Variants in CASZ1 observed in about 807,000 individuals in gnomAD.
CASZ1 encodes the protein castor zinc finger 1.
A neutral mutation model predicts 135.2 loss-of-function variants in CASZ1; 28 were observed. The observed-to-expected ratio is 0.21, with a 90% CI of 0.15 to 0.28. CASZ1 has a LOEUF of 0.28. Among genes scored for constraint, CASZ1 ranks in the 10% least tolerant of loss-of-function variants. CASZ1 has a pLI of 1.00. For synonymous variants in CASZ1, 1,068 were observed against 1,073.4 expected (o/e 0.99, Z 0.10); for missense variants, 2,161 against 2,453.3 (o/e 0.88, Z 2.52).
At chr1:10,771,553 T>C (rs767938715) in intron 1 of CASZ1, among the ~76,000 whole-genome samples, 1 of 152,118 alleles carries the variant, frequency 6.6e-6, no homozygotes, top group East Asian at 1.9e-4. Context: ...TGTTGCTTAA[T>C]TTTGTATTTT....
chr1:10,641,868 C>T (rs1030057912), intron 20 of CASZ1, among the ~76,000 whole-genome samples: 6 of 152,138 alleles, frequency 3.9e-5, no homozygotes, highest in Admixed American at 2.0e-4. Context: ...GGGATGGAGA[C>T]CACGCTCTCT....
rs1242087896 is a variant in CASZ1, at chr1:10,726,452, A to C, written c.-76-20908T>G. 6.6e-6 allele frequency among the ~76,000 whole-genome samples: 1 copy of C among 152,136 alleles called. No homozygotes were observed. Among genetic ancestry groups the C allele is most frequent in the Non-Finnish European group, 1.5e-5 (1 of 68,000 alleles). On this transcript the variant is annotated intron_variant, in intron 2 of 20. Transcript: ENST00000377022. This position sits in a 1 kb window ranked among gnomAD's most constrained non-coding sequence, Gnocchi z 5.7. ...AGTCCTCCTGGCTGGAGCCGGAGGG[A>C]GGAGGAGGGCGGTGTAGTCCTCCAG...
intron 1 of CASZ1, among the ~76,000 whole-genome samples, chr1:10,771,251 T>C (rs566853455): frequency 7.9e-5 from 12 of 151,198 alleles, no homozygotes; most frequent in Non-Finnish European, 1.5e-4. Flanking sequence ...ATTGTTCTGG[T>C]TTCAGGCAGG....
rs985237873 is a variant in CASZ1 at position 10,788,189 on chromosome 1, G to A, written c.-234+8375C>T. ...ATCCATTACTGTGGATAGGGGAACC[G>A]GGAGAGCTGCCTTTGGCTTGGTGAG... is the stretch of plus-strand genomic sequence containing the variant. On this transcript the variant is annotated intron_variant, in intron 1 of 20. Transcript: ENST00000377022. This position sits in a 1 kb window ranked among gnomAD's most constrained non-coding sequence, Gnocchi z 4.1. Among the ~76,000 whole-genome samples the A allele has an allele frequency of 6.6e-5, 10 of 152,176 alleles. No individual in the cohort carries two copies. The highest frequency in any genetic ancestry group is 1.9e-4 in the East Asian group (1 of 5,174).
chr1:10,781,663 G>A (rs987143551), intron 1 of CASZ1, among the ~76,000 whole-genome samples: 1 of 152,188 alleles, frequency 6.6e-6, no homozygotes, highest in African/African-American at 2.4e-5. Flanking sequence ...TCAAACACAG[G>A]GAGCCCTCTG....
rs1206367875 is a variant in CASZ1, at chr1:10,639,098, C to G, written c.5124G>C (p.Glu1708Asp). Reference sequence around the variant, plus strand: ...TGCGCAGGTCCTCGTCGTCGTCGTCCTCGTCGTCGTCCTCGTCGTCGTCGT... The same window carrying G: ...TGCGCAGGTCCTCGTCGTCGTCGTCGTCGTCGTCGTCCTCGTCGTCGTCGT... ...DEDDDDEDDD[E>D]DDDDEDLRTD... Residue 1708 changes from glutamate (E) to aspartate (D), a missense_variant, in exon 21 of 21, where the codon GAG becomes GAC. Transcript: ENST00000377022. The surrounding 1 kb of genome is among the most constrained non-coding windows in gnomAD (Gnocchi z 4.0). 1.8e-6 allele frequency: 2 copies of G among 1,119,738 alleles called. No homozygotes were observed. The highest frequency in any genetic ancestry group is 2.3e-6 in the Non-Finnish European group (2 of 886,138). 69.4% of individuals were successfully genotyped at this position (1,119,738 alleles called of 1,614,324 possible). A position where few individuals can be genotyped will look rare whatever the true frequency, so the allele number is the denominator to read the frequency against.
At position 10,665,282 on chromosome 1, in the gene CASZ1, G is replaced by C. The variant is rs1643193296; in HGVS notation, c.306C>G (p.Pro102=). ...GGGCAATCCGCCCCAACACGGGTGT[G>C]GGTGCCGGCTCCTCGCTGTACTCCC... ...VNGEYSEEPA[P]TPVLGRIARE... is the part of the protein sequence containing the mutation. Residue 102 remains proline, a synonymous_variant, in exon 5 of 21, where the codon CCC becomes CCG. Coordinates refer to ENST00000377022, the MANE Select transcript of CASZ1 (RefSeq NM_001079843.3). 6.2e-7 allele frequency: 1 copy of C among 1,612,072 alleles called. No homozygotes were observed. The highest frequency in any genetic ancestry group is 1.7e-5 in the Admixed American group (1 of 59,866).
At position 10,648,043 on chromosome 1, in the gene CASZ1, C is replaced by A. The variant is rs556583908; in HGVS notation, c.3255G>T (p.Ser1085=). 1.9e-6 allele frequency: 3 copies of A among 1,598,440 alleles called. No homozygotes were observed. Among genetic ancestry groups the A allele is most frequent in the Admixed American group, 3.4e-5 (2 of 58,024 alleles). The part of the protein sequence containing the change: ...AAETKPPMAP[S]SPPVPPVTTA... The stretch of plus-strand genomic sequence containing the variant: ...TGGTGACAGGAGGGACCGGAGGGGA[C>A]GAGGGGGCCATGGGAGGTTTGGTCT... Residue 1085 remains serine (S), a synonymous_variant, in exon 16 of 21, where the codon TCG becomes TCT. Transcript: ENST00000377022.
At position 10,719,442 on chromosome 1, in the gene CASZ1, G is replaced by T. The variant is rs1639455681; in HGVS notation, c.-76-13898C>A. ...AAGACAAGGGACCCTGAAATTCAAG[G>T]TGATGTCCTAAGGCTGCACACGCCA... On this transcript the variant is annotated intron_variant, in intron 2 of 20. Coordinates refer to ENST00000377022, the MANE Select transcript of CASZ1 (RefSeq NM_001079843.3). The surrounding 1 kb of genome is among the most constrained non-coding windows in gnomAD (Gnocchi z 4.0). 6.6e-6 allele frequency among the ~76,000 whole-genome samples: 1 copy of T among 152,222 alleles called. No homozygotes were observed. Among genetic ancestry groups the T allele is most frequent in the Non-Finnish European group, 1.5e-5 (1 of 68,044 alleles).
chr1:10,674,048 C>T (rs562688318), intron 4 of CASZ1, among the ~76,000 whole-genome samples: 1 of 152,218 alleles, frequency 6.6e-6, no homozygotes, highest in Non-Finnish European at 1.5e-5. Context: ...GACTGAATGG[C>T]GACAAGGCAG....
rs558005649 is a variant in CASZ1 at position 10,673,465 on chromosome 1, GCACA to G, written c.17-7898_17-7895del. ...TGTGTGTGCACACACGCGCGTGCAC[GCACA>G]CACACTCTCTCGCACTCTTGTGCTC... On this transcript the variant is annotated intron_variant, in intron 4 of 20. Coordinates refer to ENST00000377022, the MANE Select transcript of CASZ1 (RefSeq NM_001079843.3). 1.7e-3 allele frequency among the ~76,000 whole-genome samples: 262 copies of G among 152,008 alleles called. 2 individuals are homozygous for G. The highest frequency in any genetic ancestry group is 2.9e-3 in the Non-Finnish European group (194 of 67,966).
rs573848929 is a variant in CASZ1 at position 10,694,680 on chromosome 1, T to TCGCGCCCCCGCCGCGCGCCCCCGCCG, written c.-23-794_-23-769dup. 2.5e-4 allele frequency among the ~76,000 whole-genome samples: 34 copies of TCGCGCCCCCGCCGCGCGCCCCCGCCG among 138,398 alleles called. No homozygotes were observed. The highest frequency in any genetic ancestry group is 6.7e-4 in the South Asian group (3 of 4,466). 90.8% of individuals were successfully genotyped at this position (138,398 alleles called of 152,430 possible). A position where few individuals can be genotyped will look rare whatever the true frequency, so the allele number is the denominator to read the frequency against. On this transcript the variant is annotated intron_variant, in intron 3 of 20. Coordinates refer to ENST00000377022, the MANE Select transcript of CASZ1 (RefSeq NM_001079843.3). The surrounding 1 kb of genome is among the most constrained non-coding windows in gnomAD (Gnocchi z 6.6). ...CCGGAGTGAATGGGCTCGCGCTCGC[T>TCGCGCCCCCGCCGCGCGCCCCCGCCG]CGCGCCCCCGCCGCGCGCCCCCGCC...
In CASZ1 at chr1:10,741,356, A is replaced by G. The variant is rs1639918672; in HGVS notation, c.-77+19345T>C. Among the ~76,000 whole-genome samples the G allele has an allele frequency of 6.6e-6, 1 of 152,198 alleles. No homozygotes were observed. Among genetic ancestry groups the G allele is most frequent in the Middle Eastern group, 3.2e-3 (1 of 316 alleles). ...AAAACAGCAAAGCAAAGCCTGGAAA[A>G]GAGCCACCAGCAGTTGTCCTGGGGG... On this transcript the variant is annotated intron_variant, in intron 2 of 20. Transcript: ENST00000377022. This position sits in a 1 kb window ranked among gnomAD's most constrained non-coding sequence, Gnocchi z 5.0.
At chr1:10,763,519 C>T (rs1011901587) in intron 1 of CASZ1, among the ~76,000 whole-genome samples, 1 of 152,190 alleles carries the variant, frequency 6.6e-6, no homozygotes, top group Non-Finnish European at 1.5e-5. Context: ...TCACCACCAC[C>T]CTCTTCTTCC....
At chr1:10,738,611 A>G (rs1007966480) in intron 2 of CASZ1, among the ~76,000 whole-genome samples, 2 of 152,254 alleles carry the variant, frequency 1.3e-5, no homozygotes, top group Non-Finnish European at 2.9e-5. Context: ...ACCCCATCCA[A>G]ACCAGCTTCA....
chr1:10,775,147 GT>G (rs2100600738), intron 1 of CASZ1, among the ~76,000 whole-genome samples: 1 of 152,298 alleles, frequency 6.6e-6, no homozygotes, highest in East Asian at 1.9e-4. Flanking sequence ...CACTTGTTCG[GT>G]TCCCTACCCT....
intron 1 of CASZ1, among the ~76,000 whole-genome samples, chr1:10,769,156 G>T (rs1640531008): frequency 6.6e-6 from 1 of 152,206 alleles, no homozygotes; most frequent in East Asian, 1.9e-4. Context: ...GAAAAGAAAA[G>T]AAAACTCAAG....
intron 3 of CASZ1, among the ~76,000 whole-genome samples, chr1:10,698,093 C>A (rs916245093): frequency 6.6e-6 from 1 of 152,216 alleles, no homozygotes; most frequent in African/African-American, 2.4e-5. Flanking sequence ...GAGAAAGGAG[C>A]CACAGAGTGG....
intron 2 of CASZ1, among the ~76,000 whole-genome samples, chr1:10,712,822 A>G (rs1639311835): frequency 1.3e-5 from 2 of 152,194 alleles, no homozygotes; most frequent in South Asian, 4.1e-4. Flanking sequence ...CGGCCCAGCC[A>G]ATCCATCTCT....
Sources: gnomAD v4.1 joint callset for allele counts (sites outside exome capture counted in the v4.1 genomes callset) on GRCh38, gnomAD v4.1.1 for gene constraint, Gnocchi (gnomAD v3.1) non-coding constraint, MANE v1.5 for transcripts, NCBI Gene and HGNC (gene_info 2026-07-23, HGNC 2026-07-21) for gene names.